Variants in CHST9 observed in about 807,000 individuals in gnomAD.
CHST9 encodes GalNAc-4-sulfotransferase 2.
Under a neutral mutation model 44.4 loss-of-function variants are expected in CHST9, and 41 were observed. The observed-to-expected ratio is 0.92, with a 90% CI of 0.72 to 1.20. The LOEUF is 1.20. Among genes scored for constraint, CHST9 ranks in the 50% most tolerant of loss-of-function variants. CHST9 has a pLI of 0.00. For missense variants in CHST9, 504 were observed against 516.5 expected, an observed-to-expected ratio of 0.98 and a Z score of 0.23; for synonymous variants, 171 against 178.4, an observed-to-expected ratio of 0.96 and a Z score of 0.33.
At chr18:26,959,056 G>T (rs1192920689) in intron 4 of CHST9, among the ~76,000 whole-genome samples, 1 of 152,146 alleles carries the variant, frequency 6.6e-6, no homozygotes, top group African/African-American at 2.4e-5. Flanking sequence ...AGCAAGACAT[G>T]AAATCAACCT....
At chr18:27,088,593 C>T (rs1243233151) in intron 2 of CHST9, among the ~76,000 whole-genome samples, 4 of 152,012 alleles carry the variant, frequency 2.6e-5, no homozygotes, top group African/African-American at 9.7e-5. Context: ...TGGGGTTTCA[C>T]CATGTTGGCC....
chr18:27,062,837 T>C (rs986417304), intron 2 of CHST9, among the ~76,000 whole-genome samples: 2 of 152,206 alleles, frequency 1.3e-5, no homozygotes, highest in African/African-American at 4.8e-5. Context: ...TTCCTGACTT[T>C]TTAATGATCG....
intron 2 of CHST9, among the ~76,000 whole-genome samples, chr18:27,072,611 G>A (rs918259835): frequency 6.6e-6 from 1 of 152,124 alleles, no homozygotes; most frequent in African/African-American, 2.4e-5. Context: ...TTGGCCAGAT[G>A]TGCAGCCTCA....
intron 1 of CHST9, among the ~76,000 whole-genome samples, chr18:27,153,367 CA>C (rs2058673045): frequency 6.6e-6 from 1 of 152,068 alleles, no homozygotes; most frequent in African/African-American, 2.4e-5. Context: ...ATTAGGGCCA[CA>C]CTCCCCTTGG....
intron 4 of CHST9, among the ~76,000 whole-genome samples, chr18:26,984,126 A>G (rs964606779): frequency 3.9e-5 from 6 of 152,204 alleles, no homozygotes; most frequent in South Asian, 2.1e-4. Context: ...TTTACACCTG[A>G]CTAGCCATGA....
chr18:27,164,190 A>G (rs2143938986), intron 1 of CHST9, among the ~76,000 whole-genome samples: 1 of 152,286 alleles, frequency 6.6e-6, no homozygotes, highest in East Asian at 1.9e-4. Context: ...TGGGGACAAA[A>G]CAAAACAAAA....
Position 27,049,187 on chromosome 18 carries a change from C to T in CHST9, c.122-684G>A, listed in dbSNP as rs184728073. On this transcript the variant is annotated intron_variant, in intron 2 of 5. Transcript: ENST00000618847. ...AATGAAAGGGTGGACTGAGTCATGG[C>T]AGTGGGAGTGGAGAGGAGGGAAGTA... Among the ~76,000 whole-genome samples, 15 of 152,054 alleles carry T rather than the reference C, an allele frequency of 9.9e-5. No individual in the cohort carries two copies. The East Asian group carries it at 2.7e-3, about 28-fold the overall frequency.
chr18:27,148,191 G>A (rs2058629892), intron 1 of CHST9, among the ~76,000 whole-genome samples: 2 of 152,026 alleles, frequency 1.3e-5, no homozygotes, highest in Admixed American at 1.3e-4. Context: ...CAAAGGACAT[G>A]ATCTCATTCC....
chr18:27,075,411 A>G (rs2057893396), intron 2 of CHST9, among the ~76,000 whole-genome samples: 1 of 152,194 alleles, frequency 6.6e-6, no homozygotes, highest in East Asian at 1.9e-4. Flanking sequence ...GGAAAAATAA[A>G]ACAAATTCTA....
intron 2 of CHST9, among the ~76,000 whole-genome samples, chr18:27,130,540 G>T (rs991703558): frequency 2.0e-5 from 3 of 152,180 alleles, no homozygotes; most frequent in African/African-American, 7.2e-5. Flanking sequence ...CCGAGGAATA[G>T]ATACGATATG....
chr18:27,079,642 T>G (rs2057941446), intron 2 of CHST9, among the ~76,000 whole-genome samples: 1 of 152,202 alleles, frequency 6.6e-6, no homozygotes, highest in Non-Finnish European at 1.5e-5. Flanking sequence ...TAGTTTTCTA[T>G]TACTTCTGTA....
chr18:27,030,772 AAAAGG>A (rs2057332263), intron 3 of CHST9, among the ~76,000 whole-genome samples: 1 of 152,208 alleles, frequency 6.6e-6, no homozygotes, highest in Admixed American at 6.5e-5. Context: ...AATAGCACTG[AAAAGG>A]GGTGGAGGGC....
intron 4 of CHST9, among the ~76,000 whole-genome samples, chr18:26,975,725 G>GTATATATATA (rs59671204): frequency 7.3e-4 from 74 of 101,834 alleles, no homozygotes; most frequent in South Asian, 1.3e-3. Flanking sequence ...GTGTGTGTGT[G>GTATATATATA]TATATATATA....
At chr18:26,954,620 C>T (rs1321764780) in intron 4 of CHST9, among the ~76,000 whole-genome samples, 2 of 152,018 alleles carry the variant, frequency 1.3e-5, no homozygotes, top group Non-Finnish European at 2.9e-5. Context: ...ATGCTGTTAT[C>T]TTCTCTCTCC....
chr18:26,944,742 T>C (rs1302586074), intron 4 of CHST9, among the ~76,000 whole-genome samples: 1 of 152,154 alleles, frequency 6.6e-6, no homozygotes, highest in Non-Finnish European at 1.5e-5. Flanking sequence ...ATACTAATAC[T>C]GAGCTCAGGG....
chr18:27,072,728 C>G (rs1196295972), intron 2 of CHST9, among the ~76,000 whole-genome samples: 3 of 152,130 alleles, frequency 2.0e-5, no homozygotes, highest in African/African-American at 7.2e-5. Context: ...TAATCCAAGC[C>G]TTGGCAGAAG....
intron 4 of CHST9, among the ~76,000 whole-genome samples, chr18:27,022,041 A>C (rs1046049899): frequency 7.2e-5 from 11 of 152,182 alleles, no homozygotes; most frequent in African/African-American, 2.7e-4. Context: ...GTTCTGGCCA[A>C]GTGCATTGTA....
intron 2 of CHST9, among the ~76,000 whole-genome samples, chr18:27,100,530 G>T (rs1387188469): frequency 2.0e-5 from 3 of 152,124 alleles, no homozygotes; most frequent in East Asian, 3.8e-4. Flanking sequence ...AGGGAAAGGG[G>T]GGCACTGATT....
chr18:27,021,323 C>A (rs1163961486), intron 4 of CHST9, among the ~76,000 whole-genome samples: 1 of 152,148 alleles, frequency 6.6e-6, no homozygotes, highest in African/African-American at 2.4e-5. Flanking sequence ...AAGCCACTCA[C>A]TTACTTGACA....
Sources: allele counts gnomAD v4.1 joint callset (sites outside exome capture counted in the v4.1 genomes callset), GRCh38; gene constraint gnomAD v4.1.1; transcripts MANE v1.5; gene names NCBI Gene and HGNC (gene_info 2026-07-23, HGNC 2026-07-21).